Variants in PDE1A observed in about 807,000 individuals in gnomAD.
PDE1A encodes the protein phosphodiesterase 1A.
In PDE1A, 35 loss-of-function variants were observed where a neutral mutation model predicts 61.7. That is an observed-to-expected ratio of 0.57 (90% CI 0.43 to 0.75). PDE1A has a LOEUF of 0.75. Among genes scored for constraint, PDE1A ranks in the 30% least tolerant of loss-of-function variants. The pLI, the probability that PDE1A is intolerant of heterozygous loss-of-function variation, is 0.00. For missense variants in PDE1A, 597 were observed against 630.6 expected, an observed-to-expected ratio of 0.95 and a Z score of 0.57; for synonymous variants, 232 against 213.2, an observed-to-expected ratio of 1.09 and a Z score of -0.77.
chr2:182,690,727 A>T, the PDE1A span, among the ~76,000 whole-genome samples: 1 of 152,220 alleles, frequency 6.6e-6, no homozygotes, highest in Non-Finnish European at 1.5e-5. Context: ...TTAGGAAAAG[A>T]GGAAGTCAAA....
At chr2:182,599,350 T>C in the PDE1A span, among the ~76,000 whole-genome samples, 1 of 152,122 alleles carries the variant, frequency 6.6e-6, no homozygotes. Context: ...CTTAGGGTAG[T>C]CTTTTTCTTT....
At chr2:182,244,348 G>T (rs563869981) in intron 2 of PDE1A, among the ~76,000 whole-genome samples, 75 of 125,978 alleles carry the variant, frequency 6.0e-4, no homozygotes, top group African/African-American at 2.3e-3. Flanking sequence ...ATCCTGTTTT[G>T]TTTACCTTTT....
intron 1 of PDE1A, among the ~76,000 whole-genome samples, chr2:182,393,641 T>C (rs1701544281): frequency 6.6e-6 from 1 of 152,228 alleles, no homozygotes; most frequent in Admixed American, 6.5e-5. Context: ...ACCATATTTT[T>C]GTGAATAAAA....
At chr2:182,596,684 T>A in the PDE1A span, among the ~76,000 whole-genome samples, 1 of 123,302 alleles carries the variant, frequency 8.1e-6, no homozygotes, top group Non-Finnish European at 1.5e-5. Flanking sequence ...ATAAACTGGA[T>A]GGATGGATGG....
At chr2:182,292,781 G>A (rs1233473401) in intron 1 of PDE1A, among the ~76,000 whole-genome samples, 1 of 151,864 alleles carries the variant, frequency 6.6e-6, no homozygotes, top group Non-Finnish European at 1.5e-5. Context: ...TTAAAAGTTT[G>A]ATGTTTCTCA....
intron 3 of PDE1A, among the ~76,000 whole-genome samples, chr2:182,235,496 C>A (rs1259185947): frequency 6.6e-6 from 1 of 152,106 alleles, no homozygotes; most frequent in Non-Finnish European, 1.5e-5. Context: ...TTCTGCTGGG[C>A]AACCCAAATA....
At chr2:182,564,413 C>A in the PDE1A span, among the ~76,000 whole-genome samples, 1 of 152,160 alleles carries the variant, frequency 6.6e-6, no homozygotes, top group Admixed American at 6.5e-5. Context: ...AGAGTTTCTG[C>A]CGAGAGATCT....
At chr2:182,708,752 T>C in the PDE1A span, among the ~76,000 whole-genome samples, 4 of 152,172 alleles carry the variant, frequency 2.6e-5, no homozygotes, top group African/African-American at 9.7e-5. Flanking sequence ...ACTACCTATG[T>C]TGGAATCCAA....
chr2:182,282,745 A>G (rs1339144405), intron 1 of PDE1A, among the ~76,000 whole-genome samples: 2 of 152,002 alleles, frequency 1.3e-5, no homozygotes, highest in Non-Finnish European at 2.9e-5. Context: ...CCCAATATAT[A>G]AATATATAGT....
At chr2:182,494,296 T>C (rs970072754) in intron 2 of PDE1A, among the ~76,000 whole-genome samples, 7 of 119,892 alleles carry the variant, frequency 5.8e-5, no homozygotes, top group African/African-American at 2.3e-4. Flanking sequence ...ATTTGGATTC[T>C]ACAAAAAAAA....
At chr2:182,582,470 A>G in the PDE1A span, among the ~76,000 whole-genome samples, 1 of 152,274 alleles carries the variant, frequency 6.6e-6, no homozygotes, top group Non-Finnish European at 1.5e-5. Context: ...AAATTTTTAA[A>G]TAATATCAAA....
intron 10 of PDE1A, among the ~76,000 whole-genome samples, chr2:182,197,662 T>TC (rs1187413191): frequency 6.6e-6 from 1 of 151,896 alleles, no homozygotes; most frequent in Non-Finnish European, 1.5e-5. Flanking sequence ...GACTTTCCTT[T>TC]CCCCATGTAG....
chr2:182,144,947 G>A (rs1461593904), downstream of PDE1A, among the ~76,000 whole-genome samples: 1 of 152,130 alleles, frequency 6.6e-6, no homozygotes, highest in Non-Finnish European at 1.5e-5. Context: ...CCTTCAGATT[G>A]GGTGTGCTGT....
At chr2:182,550,129 G>T in the PDE1A span, among the ~76,000 whole-genome samples, 41 of 152,050 alleles carry the variant, frequency 2.7e-4, no homozygotes, top group African/African-American at 8.5e-4. Context: ...TAGAATCCAG[G>T]TTCTACCTCT....
intron 13 of PDE1A, among the ~76,000 whole-genome samples, chr2:182,177,415 G>A (rs964890741): frequency 6.6e-6 from 1 of 151,804 alleles, no homozygotes; most frequent in African/African-American, 2.4e-5. Flanking sequence ...TTAGTCTTGG[G>A]AGAGTGTATG....
intron 2 of PDE1A, among the ~76,000 whole-genome samples, chr2:182,482,219 AC>A (rs1687745898): frequency 6.6e-6 from 1 of 151,914 alleles, no homozygotes; most frequent in South Asian, 2.1e-4. Context: ...GATTTAAAAA[AC>A]CTGAGACTTT....
At chr2:182,230,087 G>A (rs200891915) in exon 6 of PDE1A, 250 of 1,612,664 alleles carry the variant, frequency 1.6e-4, no homozygotes, top group Non-Finnish European at 2.0e-4. Flanking sequence ...ATGGATTTTT[G>A]TACTTGCTGT....
At chr2:182,629,600 A>G in the PDE1A span, among the ~76,000 whole-genome samples, 1 of 152,132 alleles carries the variant, frequency 6.6e-6, no homozygotes, top group East Asian at 1.9e-4. Context: ...GTTTCCTACT[A>G]TCTTTCTAAC....
At chr2:182,680,324 C>T in the PDE1A span, among the ~76,000 whole-genome samples, 1 of 151,962 alleles carries the variant, frequency 6.6e-6, no homozygotes, top group African/African-American at 2.4e-5. Flanking sequence ...AATCCTCCCA[C>T]CTCAGCTTCC....
Sources: allele counts gnomAD v4.1 joint callset (sites outside exome capture counted in the v4.1 genomes callset), GRCh38; gene constraint gnomAD v4.1.1; transcripts MANE v1.5; gene names NCBI Gene and HGNC (gene_info 2026-07-23, HGNC 2026-07-21).